Variants in FOCAD observed in about 807,000 individuals in gnomAD.
FOCAD encodes the protein KIAA1797.
Under a neutral mutation model 225.6 loss-of-function variants are expected in FOCAD, and 198 were observed. The observed-to-expected ratio is 0.88, with a 90% CI of 0.78 to 0.99. FOCAD has a LOEUF of 0.99. Among genes scored for constraint, FOCAD ranks in the 50% least tolerant of loss-of-function variants. The pLI is 0.00. For missense variants in FOCAD, 2,713 were observed against 2,123.6 expected (o/e 1.28, Z -5.46); for synonymous variants, 897 against 755.0 (o/e 1.19, Z -3.08).
intron 4 of FOCAD, among the ~76,000 whole-genome samples, chr9:20,739,894 ATTTATAAATGAAATATTTG>A: frequency 6.6e-6 from 1 of 152,240 alleles, no homozygotes; most frequent in East Asian, 1.9e-4. Context: ...GTCTGCTAAT[ATTTATAAATGAAATATTTG>A]GTCATTCGGT....
chr9:20,769,911 T>A, intron 7 of FOCAD, 121 bp from the exon 8 acceptor site: 3 of 819,366 alleles, frequency 3.7e-6, no homozygotes, highest in South Asian at 3.7e-5. Context: ...CTTTTTTTCA[T>A]CTCCTTTAAG....
intron 2 of FOCAD, among the ~76,000 whole-genome samples, chr9:20,670,215 T>G (rs1822018777): frequency 6.6e-6 from 1 of 152,214 alleles, no homozygotes; most frequent in African/African-American, 2.4e-5. Context: ...ATGGGTAGAT[T>G]AAATTTAGAT....
At chr9:20,666,843 AACATTCT>A (rs1246321555) in intron 2 of FOCAD, among the ~76,000 whole-genome samples, 1 of 152,200 alleles carries the variant, frequency 6.6e-6, no homozygotes, top group Non-Finnish European at 1.5e-5. Context: ...TCAATTGGGG[AACATTCT>A]ACAATATTAG....
intron 27 of FOCAD, among the ~76,000 whole-genome samples, chr9:20,930,017 C>T (rs1835317993): frequency 6.6e-6 from 1 of 152,080 alleles, no homozygotes; most frequent in Non-Finnish European, 1.5e-5. Context: ...ATCTCTAGTG[C>T]CTAAGGGGTG....
intron 15 of FOCAD, among the ~76,000 whole-genome samples, chr9:20,842,198 C>T: frequency 6.6e-6 from 1 of 151,548 alleles, no homozygotes; most frequent in East Asian, 1.9e-4. Flanking sequence ...GATCTCTGTG[C>T]TTAGGAGAAG....
chr9:20,853,964 C>T (rs1365097558), intron 15 of FOCAD, among the ~76,000 whole-genome samples: 1 of 151,738 alleles, frequency 6.6e-6, no homozygotes, highest in African/African-American at 2.4e-5. Flanking sequence ...GTAACAGAAG[C>T]ATCCTGTTTT....
chr9:20,864,059 T>G (rs374876297), intron 16 of FOCAD, among the ~76,000 whole-genome samples: 3 of 152,182 alleles, frequency 2.0e-5, no homozygotes, highest in East Asian at 3.9e-4. Flanking sequence ...CCTGCCCAGT[T>G]AGGGGGAGTC....
intron 1 of FOCAD, among the ~76,000 whole-genome samples, chr9:20,686,567 G>A (rs1469369599): frequency 6.6e-6 from 1 of 152,170 alleles, no homozygotes; most frequent in Admixed American, 6.5e-5. Flanking sequence ...ATAGTTTAAG[G>A]ATTATTAGTC....
At chr9:20,925,610 T>A (rs1037501529) in intron 25 of FOCAD, among the ~76,000 whole-genome samples, 1 of 152,238 alleles carries the variant, frequency 6.6e-6, no homozygotes, top group Non-Finnish European at 1.5e-5. Flanking sequence ...CTTGTTTGGT[T>A]CAAGGAATTA....
chr9:20,708,383 A>G (rs1441006905), intron 1 of FOCAD, among the ~76,000 whole-genome samples: 5 of 152,230 alleles, frequency 3.3e-5, no homozygotes, highest in Non-Finnish European at 1.5e-5. Context: ...TCTAAAACAT[A>G]GAGCCCATTA....
intron 2 of FOCAD, among the ~76,000 whole-genome samples, chr9:20,717,562 A>G (rs530572935): frequency 1.3e-5 from 2 of 152,352 alleles, no homozygotes; most frequent in South Asian, 2.1e-4. Flanking sequence ...TCTATGCACT[A>G]TAGTTGCTTA....
chr9:20,978,380 C>G lies in FOCAD; in HGVS notation c.4303C>G (p.Gln1435Glu). 1 of 1,611,468 alleles carries G rather than the reference C, an allele frequency of 6.2e-7. No homozygotes were observed. ...ACTGTGCCTTGAAATTATGGTGACC[C>G]AGGCACAGTCATCCCAGAATGCAGC... is the stretch of plus-strand genomic sequence containing the variant. Reference protein sequence around the residue: ...QQLCLEIMVTQAQSSQNAAAL... With the variant: ...QQLCLEIMVTEAQSSQNAAAL... The change falls in exon 37 of 44, where the codon CAG (glutamine) becomes GAG (glutamate). Residue 1435 changes from glutamine to glutamate, a missense_variant. By Grantham distance (29) the Gln-to-Glu change is conservative (BLOSUM62 2). Transcript: ENST00000338382.
At position 20,912,881 on chromosome 9, in the gene FOCAD, C is replaced by G; in HGVS notation, c.2734C>G (p.Leu912Val). 2 of 1,613,160 alleles carry G rather than the reference C, an allele frequency of 1.2e-6. No homozygotes were observed. Among genetic ancestry groups the G allele is most frequent in the Non-Finnish European group, 1.7e-6 (2 of 1,179,460 alleles). ...ATTTTTGCAGGGAAGACTAGGAGAG[C>G]TGGAGTTGCAGTTAAAACATGGAAA... ...HAILQGRLGELELQLKHGKEE... is the reference protein window; with the variant it reads ...HAILQGRLGEVELQLKHGKEE... Residue 912 changes from leucine (L) to valine (V), a missense_variant, in exon 23 of 44, where the codon CTG (leucine) becomes GTG (valine). Transcript: ENST00000338382.
At position 20,978,454 on chromosome 9, in the gene FOCAD, T is replaced by G; in HGVS notation, c.4377T>G (p.Ser1459Arg). ...CACCACCACTGATCCACAGTCTGAG[T>G]GTATGTAGTAACTAAGGGTGTTGGC... ...WVTPPLIHSLSLNTKRYLLIS... is the reference protein window; with the variant it reads ...WVTPPLIHSLRLNTKRYLLIS... The change falls in exon 37 of 44, where the codon AGT becomes AGG. Residue 1459 changes from serine (S) to arginine (R), a missense_variant and splice_region_variant. Ser to Arg is a moderately radical substitution (Grantham distance 110). Coordinates refer to ENST00000338382, the MANE Select transcript of FOCAD (RefSeq NM_001375567.1). 1 of 1,594,462 alleles carries G rather than the reference T, an allele frequency of 6.3e-7. No individual in the cohort carries two copies. The highest frequency in any genetic ancestry group is 8.6e-7 in the Non-Finnish European group (1 of 1,167,568).
At chr9:20,770,324 A>G in intron 8 of FOCAD, 86 bp downstream of exon 8, 3 of 1,250,080 alleles carry the variant, frequency 2.4e-6, no homozygotes, top group South Asian at 2.7e-5. Context: ...ATGAGGTTTA[A>G]TTGGCTTACA....
intron 15 of FOCAD, among the ~76,000 whole-genome samples, chr9:20,839,648 AT>A (rs138879113): frequency 0.17 from 25,279 of 151,298 alleles, 2,612 homozygotes; most frequent in Non-Finnish European, 0.23. Flanking sequence ...CAATCACTTA[AT>A]TTTTTTTTAT....
chr9:20,864,087 C>A (rs948651511), intron 16 of FOCAD, among the ~76,000 whole-genome samples: 8 of 151,996 alleles, frequency 5.3e-5, no homozygotes, highest in Non-Finnish European at 1.2e-4. Context: ...TGAACATAGT[C>A]CCCTTAAAAG....
intron 14 of FOCAD, 149 bp from the exon 15 acceptor site, chr9:20,822,840 A>AG (rs1824471639): frequency 3.5e-6 from 2 of 572,486 alleles, no homozygotes; most frequent in Non-Finnish European, 2.7e-6. Flanking sequence ...ACATTTTTGA[A>AG]GAAAAAACAT....
intron 5 of FOCAD, among the ~76,000 whole-genome samples, chr9:20,742,999 A>C (rs553078670): frequency 2.4e-4 from 36 of 152,310 alleles, no homozygotes; most frequent in African/African-American, 8.4e-4. Context: ...TTGAGTGTAT[A>C]AGAGCCTTAA....
Sources: allele counts gnomAD v4.1 joint callset (sites outside exome capture counted in the v4.1 genomes callset), GRCh38; gene constraint gnomAD v4.1.1; transcripts MANE v1.5; gene names NCBI Gene and HGNC (gene_info 2026-07-23, HGNC 2026-07-21).